SKIC3: variants seen among roughly 807,000 people sequenced by gnomAD.
The protein encoded by SKIC3 is SKI3 subunit of superkiller complex.
the SKIC3 span, among the ~76,000 whole-genome samples, chr5:95,498,161 A>G: frequency 6.6e-6 from 1 of 152,322 alleles, no homozygotes; most frequent in Middle Eastern, 3.4e-3. Context: ...TAAGGGCCAA[A>G]TTTATCAATT....
the SKIC3 span, chr5:95,523,201 C>G: frequency 6.2e-7 from 1 of 1,613,744 alleles, no homozygotes; most frequent in Non-Finnish European, 8.5e-7. Flanking sequence ...AGGTGCCTTA[C>G]TCAGCCACTG....
At chr5:95,498,342 G>A in the SKIC3 span, 1 of 1,602,996 alleles carries the variant, frequency 6.2e-7, no homozygotes, top group South Asian at 1.1e-5. Flanking sequence ...GTATAATTAG[G>A]TTCCAGGTTC....
the SKIC3 span, among the ~76,000 whole-genome samples, chr5:95,483,746 A>G: frequency 6.6e-6 from 1 of 152,226 alleles, no homozygotes; most frequent in Non-Finnish European, 1.5e-5. Context: ...AGCTTTGGAA[A>G]CTAATTCATT....
chr5:95,514,808 TA>T, the SKIC3 span: 1 of 1,586,938 alleles, frequency 6.3e-7, no homozygotes, highest in Non-Finnish European at 8.6e-7. Context: ...ATTAGTCAGT[TA>T]TTGATATCAA....
At chr5:95,484,715 A>C in the SKIC3 span, 1 of 1,613,972 alleles carries the variant, frequency 6.2e-7, no homozygotes, top group South Asian at 1.1e-5. Context: ...TGCACATTCC[A>C]TAAAATACCT....
chr5:95,509,304 C>G, the SKIC3 span, among the ~76,000 whole-genome samples: 2 of 151,924 alleles, frequency 1.3e-5, no homozygotes, highest in Non-Finnish European at 2.9e-5. Flanking sequence ...AAGTTAGGCA[C>G]GCAGACACAC....
At chr5:95,535,734 T>C in the SKIC3 span, among the ~76,000 whole-genome samples, 1 of 152,198 alleles carries the variant, frequency 6.6e-6, no homozygotes, top group East Asian at 1.9e-4. Context: ...GGAATTTTCC[T>C]TCACAGTTAT....
the SKIC3 span, among the ~76,000 whole-genome samples, chr5:95,473,023 G>C: frequency 2.0e-5 from 3 of 152,046 alleles, no homozygotes; most frequent in African/African-American, 7.3e-5. Flanking sequence ...ATGGCACCGA[G>C]GTTGATTCCA....
chr5:95,495,140 C>A, the SKIC3 span: 1 of 831,476 alleles, frequency 1.2e-6, no homozygotes. Context: ...ACATTCACAA[C>A]TCCTAAACTT....
the SKIC3 span, chr5:95,506,886 GA>G: frequency 6.3e-7 from 1 of 1,591,010 alleles, no homozygotes; most frequent in Non-Finnish European, 8.6e-7. Flanking sequence ...GCTTTCACCA[GA>G]AAAATACAAT....
At chr5:95,466,320 T>C in the SKIC3 span, among the ~76,000 whole-genome samples, 1 of 152,188 alleles carries the variant, frequency 6.6e-6, no homozygotes, top group African/African-American at 2.4e-5. Context: ...TTTTTAAAGA[T>C]AATACGAACA....
At chr5:95,484,853 CA>C in the SKIC3 span, 2 of 1,613,360 alleles carry the variant, frequency 1.2e-6, no homozygotes, top group African/African-American at 1.3e-5. Flanking sequence ...TAACTGTAAA[CA>C]AAAAATGTCA....
At chr5:95,491,947 G>A in the SKIC3 span, among the ~76,000 whole-genome samples, 2 of 151,718 alleles carry the variant, frequency 1.3e-5, no homozygotes, top group Non-Finnish European at 2.9e-5. Context: ...TTTCTTATCT[G>A]ACCACCCCAC....
At chr5:95,518,440 G>C in the SKIC3 span, among the ~76,000 whole-genome samples, 1 of 151,906 alleles carries the variant, frequency 6.6e-6, no homozygotes, top group South Asian at 2.1e-4. Flanking sequence ...CCTTTAACAA[G>C]TATTACCCAT....
At chr5:95,495,639 C>A in the SKIC3 span, among the ~76,000 whole-genome samples, 1 of 152,136 alleles carries the variant, frequency 6.6e-6, no homozygotes, top group South Asian at 2.1e-4. Context: ...CAATGGTCTT[C>A]CAGGTCCTTT....
chr5:95,543,760 A>G, the SKIC3 span, among the ~76,000 whole-genome samples: 1 of 152,136 alleles, frequency 6.6e-6, no homozygotes, highest in Non-Finnish European at 1.5e-5. Flanking sequence ...AGACACATGG[A>G]TTTTTCTCAA....
chr5:95,495,077 A>C, the SKIC3 span: 3 of 1,549,064 alleles, frequency 1.9e-6, no homozygotes, highest in African/African-American at 1.4e-5. Context: ...AAAAGAAAAA[A>C]TTAAGATTGA....
chr5:95,539,288 A>G, the SKIC3 span, among the ~76,000 whole-genome samples: 1 of 152,254 alleles, frequency 6.6e-6, no homozygotes, highest in African/African-American at 2.4e-5. Flanking sequence ...AAGTTGGCTA[A>G]GGACATGAAC....
At chr5:95,473,883 T>C in the SKIC3 span, among the ~76,000 whole-genome samples, 3 of 152,258 alleles carry the variant, frequency 2.0e-5, no homozygotes, top group African/African-American at 7.2e-5. Flanking sequence ...CTGTACATAG[T>C]TTCTTTTGCT....
Sources: allele counts gnomAD v4.1 joint callset (sites outside exome capture counted in the v4.1 genomes callset), GRCh38; gene constraint gnomAD v4.1.1; transcripts MANE v1.5; gene names NCBI Gene and HGNC (gene_info 2026-07-23, HGNC 2026-07-21).